Variants in ADGRG6 observed in about 807,000 individuals in gnomAD.
The protein encoded by ADGRG6 is G-protein coupled receptor 126.
Under a neutral mutation model 142.4 loss-of-function variants are expected in ADGRG6, and 84 were observed. That is an observed-to-expected ratio of 0.59 (90% CI 0.49 to 0.71). The LOEUF is 0.71. Among genes scored for constraint, ADGRG6 ranks in the 30% least tolerant of loss-of-function variants. ADGRG6 has a pLI of 0.00. For synonymous variants in ADGRG6, 521 were observed against 520.5 expected (o/e 1.00, Z -0.01); for missense variants, 1,367 against 1,466.6 (o/e 0.93, Z 1.11).
chr6:142,317,910 ATATATATTTATAT>A (rs1477140289), intron 2 of ADGRG6, among the ~76,000 whole-genome samples: 30 of 73,712 alleles, frequency 4.1e-4, no homozygotes, highest in African/African-American at 1.7e-3. Flanking sequence ...TATATATATT[ATATATATTTATAT>A]TATATATTTA....
intron 2 of ADGRG6, among the ~76,000 whole-genome samples, chr6:142,323,464 C>T (rs1778616407): frequency 6.6e-6 from 1 of 151,998 alleles, no homozygotes; most frequent in Non-Finnish European, 1.5e-5. Context: ...CTATACAGGA[C>T]CTGTGTTAAC....
At position 142,367,550 on chromosome 6, in the gene ADGRG6, T is replaced by TCC. The variant is rs749548167; in HGVS notation, c.104-18_104-17insCC. 5 of 1,602,782 alleles carry TCC rather than the reference T, an allele frequency of 3.1e-6. No homozygotes were observed. The Admixed American group carries it at 6.7e-5, about 22-fold the overall frequency. ...TGAACCCAGCCCTTCTCTCTGTCTCTCTTTTGTCTGGCCAGCAGTGTGGGG... is the reference window on the plus strand; with the variant it reads ...TGAACCCAGCCCTTCTCTCTGTCTCTCCCTTTTGTCTGGCCAGCAGTGTGGGG... On this transcript the variant is annotated intron_variant, in intron 2 of 24. Transcript: ENST00000367609.
At chr6:142,345,635 C>T (rs1215117345) in intron 2 of ADGRG6, among the ~76,000 whole-genome samples, 3 of 152,090 alleles carry the variant, frequency 2.0e-5, no homozygotes, top group African/African-American at 4.8e-5. Context: ...TGAATATACC[C>T]TGCAAGATGT....
intron 4 of ADGRG6, among the ~76,000 whole-genome samples, chr6:142,381,111 G>C (rs2114925863): frequency 6.6e-6 from 1 of 152,298 alleles, no homozygotes; most frequent in Non-Finnish European, 1.5e-5. Flanking sequence ...CGTTTACCTA[G>C]TTATGTATCT....
chr6:142,439,085 G>T (rs1046706636), intron 24 of ADGRG6, among the ~76,000 whole-genome samples: 5 of 152,252 alleles, frequency 3.3e-5, no homozygotes, highest in Admixed American at 3.3e-4. Context: ...CTGGAGTTCA[G>T]GCTGCAGTGA....
chr6:142,310,923 A>C (rs1777737504), intron 2 of ADGRG6, among the ~76,000 whole-genome samples: 2 of 151,934 alleles, frequency 1.3e-5, no homozygotes, highest in African/African-American at 4.8e-5. Flanking sequence ...ATAAATTATG[A>C]GATTAACATT....
At chr6:142,428,896 C>G (rs1445766223) in intron 22 of ADGRG6, among the ~76,000 whole-genome samples, 2 of 152,028 alleles carry the variant, frequency 1.3e-5, no homozygotes, top group African/African-American at 4.8e-5. Context: ...TGATTTTTTT[C>G]CTGCAAAAAT....
chr6:142,404,282 G>A (rs1257724567), intron 14 of ADGRG6: 3 of 296,074 alleles, frequency 1.0e-5, no homozygotes, highest in African/African-American at 4.6e-5. Flanking sequence ...AGCTTTAAGG[G>A]CCCCAAGGTG....
chr6:142,434,254 A>T (rs1329823880), intron 22 of ADGRG6, among the ~76,000 whole-genome samples: 1 of 151,480 alleles, frequency 6.6e-6, no homozygotes, highest in Non-Finnish European at 1.5e-5. Context: ...AATAAATATA[A>T]TGCACTATTA....
At chr6:142,418,294 C>T (rs1477447062) in intron 21 of ADGRG6, among the ~76,000 whole-genome samples, 3 of 119,340 alleles carry the variant, frequency 2.5e-5, no homozygotes, top group Admixed American at 8.7e-5. Flanking sequence ...GAGACTCCAT[C>T]TAAAAAAAAA....
At chr6:142,389,248 T>C (rs1196502914) in intron 6 of ADGRG6, among the ~76,000 whole-genome samples, 1 of 151,918 alleles carries the variant, frequency 6.6e-6, no homozygotes, top group Non-Finnish European at 1.5e-5. Flanking sequence ...AGAGGCAAAC[T>C]TTTACATTTT....
chr6:142,352,517 A>T (rs1177289229), intron 2 of ADGRG6, among the ~76,000 whole-genome samples: 1 of 152,066 alleles, frequency 6.6e-6, no homozygotes, highest in Non-Finnish European at 1.5e-5. Flanking sequence ...CTTGGGTACT[A>T]TGCTCCGTAT....
rs374199043 is a variant in ADGRG6 at position 142,415,009 on chromosome 6, C to A, written c.2582C>A (p.Thr861Asn). 46 of 1,611,390 alleles carry A rather than the reference C, an allele frequency of 2.9e-5. No individual in the cohort carries two copies. Among genetic ancestry groups the A allele is most frequent in the Non-Finnish European group, 3.9e-5 (46 of 1,178,494 alleles). ...RSASQLDARN[T>N]KVLTFISYIG... Reference sequence around the variant, plus strand: ...GCCTCACAGTTAGATGCAAGAAACACTAAAGTCCTCACTTTCATCAGCTAT... The same window carrying A: ...GCCTCACAGTTAGATGCAAGAAACAATAAAGTCCTCACTTTCATCAGCTAT... The change falls in exon 19 of 25, where the codon ACT (threonine) becomes AAT (asparagine). Residue 861 changes from threonine (T) to asparagine (N), a missense_variant. Thr to Asn is a moderately conservative substitution (Grantham distance 65). This residue lies in a region of ADGRG6 where 286 missense variants were observed against 371.4 expected (regional missense o/e 0.77). Transcript: ENST00000367609.
intron 17 of ADGRG6, among the ~76,000 whole-genome samples, chr6:142,410,147 T>G (rs1776009429): frequency 6.6e-6 from 1 of 152,138 alleles, no homozygotes; most frequent in African/African-American, 2.4e-5. Flanking sequence ...CTGTGTTTTC[T>G]TTCATTTTTC....
chr6:142,409,563 G>A (rs909713383), intron 16 of ADGRG6, among the ~76,000 whole-genome samples: 13 of 152,098 alleles, frequency 8.5e-5, no homozygotes, highest in African/African-American at 2.9e-4. Context: ...ATGTGAAATT[G>A]TAGTGTCAAG....
intron 2 of ADGRG6, among the ~76,000 whole-genome samples, chr6:142,313,564 T>C (rs1777874070): frequency 6.6e-6 from 1 of 152,174 alleles, no homozygotes; most frequent in African/African-American, 2.4e-5. Flanking sequence ...CTATGAGACA[T>C]CAACAGCTAC....
intron 18 of ADGRG6, among the ~76,000 whole-genome samples, chr6:142,412,534 A>G (rs1347333650): frequency 1.3e-5 from 2 of 152,310 alleles, no homozygotes; most frequent in East Asian, 1.9e-4. Context: ...TTTCCTGACA[A>G]TCAAGTACAT....
chr6:142,434,348 G>A (rs765697869), intron 22 of ADGRG6, among the ~76,000 whole-genome samples: 1 of 150,606 alleles, frequency 6.6e-6, no homozygotes, highest in Non-Finnish European at 1.5e-5. Context: ...TTTTTGAGAC[G>A]GAGTCTCGCA....
chr6:142,303,884 T>A (rs377011170), intron 1 of ADGRG6, among the ~76,000 whole-genome samples: 156 of 152,318 alleles, frequency 1.0e-3, no homozygotes, highest in South Asian at 6.8e-3. Flanking sequence ...ATAGTCCATT[T>A]GAATTCTTCG....
Sources: allele counts gnomAD v4.1 joint callset (sites outside exome capture counted in the v4.1 genomes callset), GRCh38; gene constraint gnomAD v4.1.1; regional missense constraint gnomAD v4.1.1; transcripts MANE v1.5; gene names NCBI Gene and HGNC (gene_info 2026-07-23, HGNC 2026-07-21).